HDAC9: variants seen among roughly 807,000 people sequenced by gnomAD.
HDAC9 encodes MEF-2 interacting transcription repressor (MITR) protein.
In HDAC9, 41 loss-of-function variants were observed where a neutral mutation model predicts 139.4. That is an observed-to-expected ratio of 0.29 (90% confidence interval 0.23 to 0.38). The LOEUF (loss-of-function observed/expected upper bound fraction) is 0.38, where lower values mean the gene tolerates loss of function less well. Among genes scored for constraint, HDAC9 ranks in the 10% least tolerant of loss-of-function variants. The pLI is 1.00. For missense variants in HDAC9, 1,147 were observed against 1,297.0 expected (o/e 0.88, Z 1.78); for synonymous variants, 517 against 476.2 (o/e 1.09, Z -1.12).
chr7:18,200,284 A>T (rs963804105), intron 2 of HDAC9, among the ~76,000 whole-genome samples: 1 of 152,260 alleles, frequency 6.6e-6, no homozygotes, highest in Non-Finnish European at 1.5e-5. Context: ...AGTTGAAAAC[A>T]CTGATTGTGA....
chr7:18,526,152 T>C (rs1749310777), intron 2 of HDAC9, among the ~76,000 whole-genome samples: 3 of 152,194 alleles, frequency 2.0e-5, no homozygotes, highest in Non-Finnish European at 4.4e-5. Flanking sequence ...GTCTGCATAA[T>C]GGATTATCAC....
intron 1 of HDAC9, among the ~76,000 whole-genome samples, chr7:18,369,357 T>A (rs1420665914): frequency 6.6e-6 from 1 of 152,112 alleles, no homozygotes; most frequent in Non-Finnish European, 1.5e-5. Context: ...TCTATAGTGG[T>A]ATTTAAAATA....
intron 2 of HDAC9, among the ~76,000 whole-genome samples, chr7:18,581,780 AGTTCTACATTGG>A (rs1242800631): frequency 1.3e-5 from 2 of 152,210 alleles, no homozygotes; most frequent in East Asian, 3.8e-4. Flanking sequence ...CTTGACTAAA[AGTTCTACATTGG>A]GTGCTACAAT....
chr7:18,293,951 TTAA>T (rs1483670295), intron 1 of HDAC9, among the ~76,000 whole-genome samples: 1 of 152,180 alleles, frequency 6.6e-6, no homozygotes, highest in Admixed American at 6.6e-5. Context: ...AATTATTAAC[TTAA>T]TAATCAATTT....
Position 18,332,468 on chromosome 7 carries a change from A to G in HDAC9, c.-42+41953A>G, listed in dbSNP as rs188395296. On this transcript the variant is annotated intron_variant, in intron 1 of 3. Coordinates refer to the HDAC9 transcript ENST00000413509. ...GCTTGACTGTTGCTTTTCTTCTTGC[A>G]TGTAGCTTTTCTAACCAAATAAATT... 3.0e-3 allele frequency among the ~76,000 whole-genome samples: 448 copies of G among 151,612 alleles called. 2 individuals are homozygous for G. The highest frequency in any genetic ancestry group is 0.01 in the African/African-American group (428 of 41,428).
At chr7:18,733,168 C>G (rs1022191686) in intron 13 of HDAC9, among the ~76,000 whole-genome samples, 1 of 142,554 alleles carries the variant, frequency 7.0e-6, no homozygotes, top group Non-Finnish European at 1.5e-5. Flanking sequence ...CGTGTATACA[C>G]ATGTATATAT....
chr7:18,726,332 A>G (rs914738905), intron 12 of HDAC9, among the ~76,000 whole-genome samples: 2 of 152,176 alleles, frequency 1.3e-5, no homozygotes, highest in Admixed American at 6.5e-5. Flanking sequence ...GTGATGGCAC[A>G]TATTAGGTAG....
At chr7:18,653,314 T>A (rs114763889) in intron 11 of HDAC9, among the ~76,000 whole-genome samples, 1 of 151,446 alleles carries the variant, frequency 6.6e-6, no homozygotes. Context: ...AAAACTGATA[T>A]CTTTAAGGAA....
chr7:18,765,812 G>T (rs1450617159), intron 15 of HDAC9, among the ~76,000 whole-genome samples: 2 of 152,036 alleles, frequency 1.3e-5, no homozygotes, highest in African/African-American at 4.8e-5. Flanking sequence ...ATTTTGATGT[G>T]CCTTTTACTG....
chr7:18,312,753 A>C (rs17418807), intron 1 of HDAC9, among the ~76,000 whole-genome samples: 64 of 152,212 alleles, frequency 4.2e-4, no homozygotes, highest in Non-Finnish European at 7.5e-4. Context: ...TTAGATGGCT[A>C]TTTTTAGCTT....
At chr7:18,156,032 T>A (rs1466720949) in intron 1 of HDAC9, among the ~76,000 whole-genome samples, 2 of 152,118 alleles carry the variant, frequency 1.3e-5, no homozygotes, top group Non-Finnish European at 2.9e-5. Context: ...ATAAATATTA[T>A]CAGGAGCACT....
chr7:18,879,260 A>G (rs1350526368), intron 22 of HDAC9, among the ~76,000 whole-genome samples: 1 of 152,186 alleles, frequency 6.6e-6, no homozygotes. Flanking sequence ...ATTCAATGCT[A>G]TTTCTATCAA....
intron 21 of HDAC9, among the ~76,000 whole-genome samples, chr7:18,849,062 T>C (rs1158150392): frequency 6.6e-6 from 1 of 152,198 alleles, no homozygotes. Flanking sequence ...TTCTGATAGA[T>C]ATAAGTAGCA....
At chr7:18,142,394 TC>T (rs1263217372) in intron 1 of HDAC9, among the ~76,000 whole-genome samples, 1 of 152,160 alleles carries the variant, frequency 6.6e-6, no homozygotes, top group Non-Finnish European at 1.5e-5. Flanking sequence ...GTGGCAATTT[TC>T]ATTCTTATCC....
chr7:18,476,751 C>T (rs1795141157), intron 1 of HDAC9, among the ~76,000 whole-genome samples: 2 of 152,090 alleles, frequency 1.3e-5, no homozygotes, highest in Admixed American at 6.5e-5. Flanking sequence ...ATCTCTGTTT[C>T]AATTTTTTCT....
intron 1 of HDAC9, among the ~76,000 whole-genome samples, chr7:18,113,343 A>G (rs1165857800): frequency 6.6e-6 from 1 of 152,228 alleles, no homozygotes; most frequent in Non-Finnish European, 1.5e-5. Flanking sequence ...CTGTTTTTCT[A>G]GGCTGAAATA....
intron 25 of HDAC9, among the ~76,000 whole-genome samples, chr7:18,990,742 A>G (rs1785837411): frequency 6.6e-6 from 1 of 152,198 alleles, no homozygotes; most frequent in African/African-American, 2.4e-5. Flanking sequence ...GCGGGATATA[A>G]TCTCCTGGTG....
intron 1 of HDAC9, among the ~76,000 whole-genome samples, chr7:18,315,716 T>A (rs1799593662): frequency 6.6e-6 from 1 of 152,160 alleles, no homozygotes. Context: ...ACCCTCACCT[T>A]TGGATGTTGA....
chr7:18,105,748 G>A (rs1433022777), intron 1 of HDAC9, among the ~76,000 whole-genome samples: 1 of 151,824 alleles, frequency 6.6e-6, no homozygotes, highest in African/African-American at 2.4e-5. Flanking sequence ...CAAAAGAATT[G>A]AAAACATATT....
Sources: allele counts gnomAD v4.1 joint callset (sites outside exome capture counted in the v4.1 genomes callset), GRCh38; gene constraint gnomAD v4.1.1; transcripts MANE v1.5; gene names NCBI Gene and HGNC (gene_info 2026-07-23, HGNC 2026-07-21).